The following MLIP variants were observed in gnomAD, a reference collection of about 807,000 sequenced individuals.
The protein encoded by MLIP is muscular LMNA interacting protein.
A neutral mutation model predicts 84.8 loss-of-function variants in MLIP; 79 were observed. The observed-to-expected ratio is 0.93, with a 90% CI of 0.78 to 1.12. The LOEUF (loss-of-function observed/expected upper bound fraction) is 1.12, where lower values mean the gene tolerates loss of function less well. MLIP is among the 50% of genes most tolerant of loss of function. The pLI is 0.00. For missense variants in MLIP, 1,257 were observed against 1,160.6 expected (o/e 1.08, Z -1.21); for synonymous variants, 504 against 463.0 (o/e 1.09, Z -1.14).
At chr6:54,169,311 T>A (rs1775526638) in intron 8 of MLIP, among the ~76,000 whole-genome samples, 1 of 151,640 alleles carries the variant, frequency 6.6e-6, no homozygotes, top group Non-Finnish European at 1.5e-5. Context: ...ACATCATCAA[T>A]AAATAAGGAG....
intron 10 of MLIP, among the ~76,000 whole-genome samples, chr6:54,201,127 G>A (rs1215350948): frequency 1.3e-5 from 2 of 152,184 alleles, no homozygotes; most frequent in Non-Finnish European, 2.9e-5. Context: ...AGATTTTGGT[G>A]TTTGTGAAAC....
intron 12 of MLIP, among the ~76,000 whole-genome samples, chr6:54,239,528 T>G: frequency 6.6e-6 from 1 of 151,320 alleles, no homozygotes; most frequent in African/African-American, 2.4e-5. Flanking sequence ...CCTAGCACTT[T>G]GGGAGGCTGA....
chr6:54,102,369 G>C (rs565374955), intron 1 of MLIP, among the ~76,000 whole-genome samples: 1 of 152,280 alleles, frequency 6.6e-6, no homozygotes, highest in African/African-American at 2.4e-5. Flanking sequence ...TTAAGTGTTT[G>C]AGGTAGCCAT....
intron 9 of MLIP, among the ~76,000 whole-genome samples, chr6:54,174,048 T>C (rs1776042957): frequency 6.6e-6 from 1 of 152,024 alleles, no homozygotes; most frequent in South Asian, 2.1e-4. Flanking sequence ...TCCATACATG[T>C]TGTAGCAAAT....
At chr6:54,048,956 G>A (rs1034306289) in intron 1 of MLIP, among the ~76,000 whole-genome samples, 2 of 152,176 alleles carry the variant, frequency 1.3e-5, no homozygotes, top group Non-Finnish European at 2.9e-5. Context: ...GAGATAGAGA[G>A]AGTTGGTGGC....
intron 3 of MLIP, among the ~76,000 whole-genome samples, chr6:54,132,887 C>G (rs1402923468): frequency 6.6e-6 from 1 of 152,046 alleles, no homozygotes; most frequent in Non-Finnish European, 1.5e-5. Context: ...GTGCTGTGGT[C>G]CTATTAAAAA....
intron 4 of MLIP, among the ~76,000 whole-genome samples, chr6:54,143,695 G>A (rs1032914568): frequency 6.6e-5 from 10 of 152,126 alleles, no homozygotes; most frequent in African/African-American, 2.4e-4. Flanking sequence ...TCTTTAATTA[G>A]CCAGGCTTGT....
intron 1 of MLIP, among the ~76,000 whole-genome samples, chr6:54,055,343 A>G (rs1322524891): frequency 3.9e-5 from 6 of 152,214 alleles, no homozygotes; most frequent in Non-Finnish European, 1.5e-5. Context: ...TATATCATAT[A>G]TGTTTTCATA....
chr6:54,103,606 A>G (rs955752519), intron 1 of MLIP, among the ~76,000 whole-genome samples: 5 of 152,144 alleles, frequency 3.3e-5, no homozygotes, highest in African/African-American at 4.8e-5. Context: ...GTTCCTCTCT[A>G]TGTAATTCTT....
intron 12 of MLIP, among the ~76,000 whole-genome samples, chr6:54,250,201 C>G (rs1782372283): frequency 6.6e-6 from 1 of 151,900 alleles, no homozygotes; most frequent in Non-Finnish European, 1.5e-5. Flanking sequence ...ATTAAAAAGT[C>G]AAAAAATAAC....
chr6:54,080,912 G>A (rs1767100014), intron 1 of MLIP, among the ~76,000 whole-genome samples: 1 of 151,542 alleles, frequency 6.6e-6, no homozygotes, highest in South Asian at 2.1e-4. Context: ...TCATCTCTGT[G>A]GGTGAAAGAT....
At chr6:54,175,390 T>C (rs1582394742) in intron 9 of MLIP, among the ~76,000 whole-genome samples, 1 of 151,772 alleles carries the variant, frequency 6.6e-6, no homozygotes, top group East Asian at 1.9e-4. Context: ...GGGATGTATT[T>C]CATTTTTTGT....
intron 1 of MLIP, among the ~76,000 whole-genome samples, chr6:54,029,782 T>C (rs1019032206): frequency 6.6e-6 from 1 of 152,214 alleles, no homozygotes; most frequent in African/African-American, 2.4e-5. Context: ...CGGGTTATAA[T>C]CTTTACTCTT....
rs557059912 is a variant in MLIP at position 54,243,383 on chromosome 6, A to C, written c.2922+12466A>C. ...GAAGCAACTGGAATCAGAAACTATA[A>C]TGTGAAGTTAGCATCAATTAAGATT... On this transcript the variant is annotated intron_variant, in intron 12 of 13. Coordinates refer to ENST00000502396, the MANE Select transcript of MLIP (RefSeq NM_001281747.2). Among the ~76,000 whole-genome samples, 3 of 152,286 alleles carry C rather than the reference A, an allele frequency of 2.0e-5. No individual in the cohort carries two copies. The East Asian group carries it at 5.8e-4, about 29-fold the overall frequency.
chr6:54,175,465 C>T (rs376281476), intron 9 of MLIP, among the ~76,000 whole-genome samples: 10 of 151,636 alleles, frequency 6.6e-5, no homozygotes, highest in Non-Finnish European at 1.0e-4. Flanking sequence ...TTCACTTCTT[C>T]GGTTAAGTGA....
chr6:54,209,553 T>C (rs933183484), intron 11 of MLIP, among the ~76,000 whole-genome samples: 1 of 152,166 alleles, frequency 6.6e-6, no homozygotes, highest in African/African-American at 2.4e-5. Flanking sequence ...CTATACTAAG[T>C]TTGTAAGTTC....
chr6:54,177,201 G>A (rs1776376190), intron 9 of MLIP, among the ~76,000 whole-genome samples: 1 of 151,914 alleles, frequency 6.6e-6, no homozygotes, highest in African/African-American at 2.4e-5. Flanking sequence ...TTGACAAATG[G>A]GATCTAATTA....
intron 5 of MLIP, among the ~76,000 whole-genome samples, chr6:54,153,093 A>G (rs1773628600): frequency 1.3e-5 from 2 of 152,170 alleles, no homozygotes; most frequent in Non-Finnish European, 2.9e-5. Context: ...TTTGATTCAT[A>G]AGAAGTGTGT....
rs1321891 is a variant in MLIP, at chr6:54,096,279, T to C, written c.64-25168T>C. On this transcript the variant is annotated intron_variant, in intron 1 of 12. Transcript: ENST00000274897. ...GCTTGGAATACATTCAATTGAAGAG[T>C]TCTGTAAGTATTTATCAAATACTTA... is the stretch of plus-strand genomic sequence containing the variant. Among the ~76,000 whole-genome samples the C allele has an allele frequency of 5.0e-3, 759 of 152,250 alleles. 5 individuals are homozygous for C. The highest frequency in any genetic ancestry group is 0.017 in the African/African-American group (711 of 41,550).
Sources: allele counts gnomAD v4.1 joint callset (sites outside exome capture counted in the v4.1 genomes callset), GRCh38; gene constraint gnomAD v4.1.1; transcripts MANE v1.5; gene names NCBI Gene and HGNC (gene_info 2026-07-23, HGNC 2026-07-21).